The following NAV3 variants were observed in gnomAD, a reference collection of about 807,000 sequenced individuals.
NAV3 encodes neuron navigator 3, also known as pore membrane and/or filament interacting like protein 1.
In NAV3, 87 loss-of-function variants were observed where a neutral mutation model predicts 244.7. The ratio of observed to expected loss-of-function variants is 0.36; its 90% CI spans 0.30 to 0.42. The LOEUF (loss-of-function observed/expected upper bound fraction) is 0.42, where lower values mean the gene tolerates loss of function less well. Among genes scored for constraint, NAV3 ranks in the 20% least tolerant of loss-of-function variants. The pLI, the probability that NAV3 is intolerant of heterozygous loss-of-function variation, is 1.00. For synonymous variants in NAV3, 1,126 were observed against 1,042.2 expected (o/e 1.08, Z -1.55); for missense variants, 2,663 against 2,893.3 (o/e 0.92, Z 1.83).
chr12:77,968,712 G>C lies in NAV3; in HGVS notation c.671+10G>C, dbSNP rs1364133248. 6.2e-7 allele frequency: 1 copy of C among 1,606,040 alleles called. No individual in the cohort carries two copies. The highest frequency in any genetic ancestry group is 1.1e-5 in the South Asian group (1 of 90,080). ...AAGATATGCAGTCCAGGTAAGGAAA[G>C]GAAGTAGGGAATGTGTTTCCAATTA... On this transcript the variant is annotated intron_variant, in intron 5 of 39. Transcript: ENST00000397909.
chr12:78,168,637 C>A (rs1957877954), intron 23 of NAV3, 118 bp from the exon 24 acceptor site: 2 of 608,244 alleles, frequency 3.3e-6, no homozygotes, highest in Middle Eastern at 3.1e-4. Flanking sequence ...AGCTAAGCAT[C>A]CAAATCTTCC....
intron 2 of NAV3, among the ~76,000 whole-genome samples, chr12:77,815,620 C>T (rs1002850801): frequency 6.6e-6 from 1 of 152,120 alleles, no homozygotes; most frequent in Non-Finnish European, 1.5e-5. Context: ...TTTAAAATTA[C>T]ATCATAGTCC....
chr12:77,734,619 A>G (rs1877261935), intron 2 of NAV3, among the ~76,000 whole-genome samples: 1 of 152,162 alleles, frequency 6.6e-6, no homozygotes. Context: ...CAAAATCTGC[A>G]TGCAATAAAT....
At chr12:77,612,943 T>G (rs117694696) in intron 2 of NAV3, among the ~76,000 whole-genome samples, 3 of 152,018 alleles carry the variant, frequency 2.0e-5, no homozygotes, top group African/African-American at 7.2e-5. Flanking sequence ...TTTCCCCCTT[T>G]TGCTCAGCAC....
At chr12:77,614,070 CTCTCTT>C in intron 2 of NAV3, among the ~76,000 whole-genome samples, 1 of 128,852 alleles carries the variant, frequency 7.8e-6, no homozygotes, top group Non-Finnish European at 1.6e-5. Flanking sequence ...TCTTTTCTTT[CTCTCTT>C]TTTTTTTTTT....
chr12:77,954,098 T>C (rs944775558), intron 3 of NAV3, among the ~76,000 whole-genome samples: 1 of 152,168 alleles, frequency 6.6e-6, no homozygotes, highest in Non-Finnish European at 1.5e-5. Context: ...AACCATTCTG[T>C]ATGTTAATCT....
intron 2 of NAV3, among the ~76,000 whole-genome samples, chr12:77,696,052 A>G (rs906815803): frequency 1.3e-5 from 2 of 152,158 alleles, no homozygotes; most frequent in Admixed American, 6.6e-5. Flanking sequence ...GAGAATAAAA[A>G]GTACAGTAGA....
chr12:78,168,893 A>C, intron 24 of NAV3, 27 bp downstream of exon 24: 1 of 1,483,826 alleles, frequency 6.7e-7, no homozygotes, highest in Non-Finnish European at 9.3e-7. Context: ...TTTCATTTCC[A>C]CCCAATATAA....
At chr12:77,862,840 T>A (rs771642093) in intron 1 of NAV3, among the ~76,000 whole-genome samples, 7 of 151,780 alleles carry the variant, frequency 4.6e-5, no homozygotes, top group Non-Finnish European at 1.0e-4. Flanking sequence ...AACTGTTTAT[T>A]TTAGGACCTG....
At chr12:77,747,193 AAC>A (rs1415889804) in intron 2 of NAV3, among the ~76,000 whole-genome samples, 1 of 152,180 alleles carries the variant, frequency 6.6e-6, no homozygotes, top group Non-Finnish European at 1.5e-5. Flanking sequence ...GCCAGATTAA[AAC>A]ATTGATTTTT....
intron 1 of NAV3, among the ~76,000 whole-genome samples, chr12:77,910,770 T>C (rs1295749830): frequency 6.6e-6 from 1 of 152,094 alleles, no homozygotes; most frequent in African/African-American, 2.4e-5. Context: ...TTATATTCTG[T>C]GTTCAGGAGA....
At chr12:77,682,396 T>G (rs768444701) in intron 2 of NAV3, among the ~76,000 whole-genome samples, 6 of 152,176 alleles carry the variant, frequency 3.9e-5, no homozygotes, top group Non-Finnish European at 8.8e-5. Context: ...CTTTATTTGT[T>G]TATATGTTGA....
chr12:78,096,350 TCC>T (rs1397468456), intron 12 of NAV3, among the ~76,000 whole-genome samples: 1 of 152,152 alleles, frequency 6.6e-6, no homozygotes, highest in Non-Finnish European at 1.5e-5. Context: ...TCTCACCAGC[TCC>T]TGGGAAATTT....
At chr12:77,768,783 C>T (rs1024290393) in intron 2 of NAV3, among the ~76,000 whole-genome samples, 7 of 152,226 alleles carry the variant, frequency 4.6e-5, no homozygotes, top group Admixed American at 3.3e-4. Context: ...GTAGGCAGGG[C>T]TCCTGCCTGT....
At chr12:77,660,107 CATA>C (rs1463822050) in intron 2 of NAV3, among the ~76,000 whole-genome samples, 1 of 150,762 alleles carries the variant, frequency 6.6e-6, no homozygotes, top group Non-Finnish European at 1.5e-5. Flanking sequence ...GTTAAAGTAT[CATA>C]ATAATAAAAA....
At chr12:77,835,536 C>T (rs1466738047) in intron 1 of NAV3, among the ~76,000 whole-genome samples, 2 of 152,162 alleles carry the variant, frequency 1.3e-5, no homozygotes, top group East Asian at 3.9e-4. Context: ...TCATCTAATC[C>T]CGAATTCCTA....
intron 2 of NAV3, among the ~76,000 whole-genome samples, chr12:77,790,451 A>T (rs982032034): frequency 2.0e-5 from 3 of 152,032 alleles, no homozygotes; most frequent in African/African-American, 7.3e-5. Flanking sequence ...AATTTTCATG[A>T]TCTTGTCATG....
At chr12:77,936,558 C>A (rs1889345537) in intron 1 of NAV3, among the ~76,000 whole-genome samples, 1 of 152,090 alleles carries the variant, frequency 6.6e-6, no homozygotes, top group Non-Finnish European at 1.5e-5. Context: ...ATACCAATTT[C>A]TTCACTAAAA....
intron 12 of NAV3, among the ~76,000 whole-genome samples, chr12:78,103,544 C>T (rs1020350708): frequency 6.6e-6 from 1 of 152,150 alleles, no homozygotes; most frequent in African/African-American, 2.4e-5. Flanking sequence ...ATGCCCCGCT[C>T]TACTGGTACC....
Sources: allele counts gnomAD v4.1 joint callset (sites outside exome capture counted in the v4.1 genomes callset), GRCh38; gene constraint gnomAD v4.1.1; transcripts MANE v1.5; gene names NCBI Gene and HGNC (gene_info 2026-07-23, HGNC 2026-07-21).